KY: variants seen among roughly 807,000 people sequenced by gnomAD.
KY encodes the protein kyphoscoliosis peptidase.
In KY, 43 loss-of-function variants were observed where a neutral mutation model predicts 76.1. That is an observed-to-expected ratio of 0.57 (90% CI 0.44 to 0.73). The LOEUF (loss-of-function observed/expected upper bound fraction) is 0.73, where lower values mean the gene tolerates loss of function less well. KY is among the 30% of genes least tolerant of loss of function. The pLI is 0.00. For missense variants in KY, 722 were observed against 828.9 expected (o/e 0.87, Z 1.58); for synonymous variants, 277 against 326.2 (o/e 0.85, Z 1.63).
chr3:134,604,398 C>T lies in KY; in HGVS notation c.1167G>A (p.Glu389=), dbSNP rs749706553. The T allele has an allele frequency of 2.5e-6, 4 of 1,613,928 alleles. No homozygotes were observed. In the African/African-American group the frequency reaches 5.3e-5, roughly 22 times the overall value. ...LFMFMLNGKQ[E]HGLLSLRKNG... ...TCTTCCTTAGGCTCAGCAGCCCATGCTCTTGCTTGCCATTGAGCATGAACA... is the reference window on the plus strand; with the variant it reads ...TCTTCCTTAGGCTCAGCAGCCCATGTTCTTGCTTGCCATTGAGCATGAACA... The change falls in exon 11 of 11, where the codon GAG becomes GAA. Residue 389 remains glutamate (E), a synonymous_variant. Coordinates refer to ENST00000423778, the MANE Select transcript of KY (RefSeq NM_178554.6).
chr3:134,605,129 A>G (rs186528220), intron 10 of KY, among the ~76,000 whole-genome samples: 96 of 150,100 alleles, frequency 6.4e-4, no homozygotes, highest in African/African-American at 2.1e-3. Flanking sequence ...GCCACCCCCC[A>G]TCTCTCCCCT....
At chr3:134,650,259 T>G (rs779338283) in intron 1 of KY, among the ~76,000 whole-genome samples, 43 of 152,212 alleles carry the variant, frequency 2.8e-4, no homozygotes, top group Non-Finnish European at 6.2e-4. Context: ...GTTTCAAATC[T>G]TACCCTATCC....
Position 134,620,737 on chromosome 3 carries a change from A to T in KY, c.592+12T>A. The T allele has an allele frequency of 6.2e-7, 1 of 1,602,000 alleles. No individual in the cohort carries two copies. Among genetic ancestry groups the T allele is most frequent in the Non-Finnish European group, 8.5e-7 (1 of 1,170,056 alleles). ...GGGATTCTAGAGCCAGAAATTCCAC[A>T]GGGGGGCCTACCTATGTGATGGCAG... is the stretch of plus-strand genomic sequence containing the variant. On this transcript the variant is annotated intron_variant, in intron 7 of 10. Transcript: ENST00000423778.
rs144293682 is a variant in KY, at chr3:134,616,082, G to A, written c.710+3066C>T. Among the ~76,000 whole-genome samples the A allele has an allele frequency of 3.9e-3, 587 of 152,358 alleles. 2 individuals carry two copies. Among genetic ancestry groups the A allele is most frequent in the African/African-American group, 0.013 (554 of 41,582 alleles). ...GCCGACTCAAGAGCAGCAGTCTGGG[G>A]AATTAAGCTTGGCTCCTGCGAGGAA... On this transcript the variant is annotated intron_variant, in intron 8 of 10. Coordinates refer to ENST00000423778, the MANE Select transcript of KY (RefSeq NM_178554.6).
chr3:134,633,115 A>G (rs1352583491), intron 3 of KY, among the ~76,000 whole-genome samples: 1 of 152,092 alleles, frequency 6.6e-6, no homozygotes, highest in Non-Finnish European at 1.5e-5. Flanking sequence ...TTAAACTTGT[A>G]GTTTAAAATC....
intron 3 of KY, among the ~76,000 whole-genome samples, chr3:134,642,286 G>A (rs983975940): frequency 1.3e-5 from 2 of 152,120 alleles, no homozygotes; most frequent in Non-Finnish European, 2.9e-5. Flanking sequence ...TTTCATATGG[G>A]GCATGGGGGA....
At chr3:134,626,649 G>C (rs1399932388) in intron 5 of KY, among the ~76,000 whole-genome samples, 3 of 152,202 alleles carry the variant, frequency 2.0e-5, no homozygotes, top group Non-Finnish European at 4.4e-5. Context: ...GAGAAGGTGG[G>C]GAGGGGTGTG....
At chr3:134,643,421 A>G in intron 2 of KY, 43 bp from the exon 3 acceptor site, 1 of 1,566,388 alleles carries the variant, frequency 6.4e-7, no homozygotes, top group Non-Finnish European at 8.8e-7. Context: ...CCACTGGGGA[A>G]TTTTCCCCAG....
At chr3:134,639,169 T>C (rs1164754424) in intron 3 of KY, among the ~76,000 whole-genome samples, 2 of 151,612 alleles carry the variant, frequency 1.3e-5, no homozygotes, top group African/African-American at 4.9e-5. Flanking sequence ...TGGTTAGATA[T>C]TCAACAGAGA....
chr3:134,647,910 G>A (rs966909936), intron 1 of KY, among the ~76,000 whole-genome samples: 1 of 152,182 alleles, frequency 6.6e-6, no homozygotes, highest in African/African-American at 2.4e-5. Flanking sequence ...GGCTAAGACC[G>A]TCAATCCCAA....
chr3:134,644,682 ATTC>A lies in KY; in HGVS notation c.200-1307_200-1305del, dbSNP rs1461184450. 3.3e-5 allele frequency among the ~76,000 whole-genome samples: 5 copies of A among 152,298 alleles called. No homozygotes were observed. In the South Asian group the frequency reaches 6.2e-4, roughly 19 times the overall value. On this transcript the variant is annotated intron_variant, in intron 2 of 10. Transcript: ENST00000423778. Reference sequence around the variant, plus strand: ...TGGCCTGAACAGGTGCATTTAGATGATTCTTCTTGTGCAGATCAGCCGCTCAGT... The same window carrying A: ...TGGCCTGAACAGGTGCATTTAGATGATTCTTGTGCAGATCAGCCGCTCAGT...
intron 3 of KY, among the ~76,000 whole-genome samples, chr3:134,638,623 C>T (rs2107970404): frequency 6.6e-6 from 1 of 152,346 alleles, no homozygotes; most frequent in Non-Finnish European, 1.5e-5. Context: ...GGCCCCTTTC[C>T]TAGACCCCGC....
Position 134,599,957 on chromosome 3 carries a change from C to T in KY, c.*3622G>A, listed in dbSNP as rs1390006138. On this transcript the variant is annotated 3_prime_UTR_variant, in exon 11 of 11. Coordinates refer to ENST00000423778, the MANE Select transcript of KY (RefSeq NM_178554.6). ...AATGAATATAAATTTTATTGAAAAA[C>T]AACACCAGCAACAACATGGAGAAAG... 6.6e-6 allele frequency among the ~76,000 whole-genome samples: 1 copy of T among 152,160 alleles called. No homozygotes were observed. The highest frequency in any genetic ancestry group is 1.5e-5 in the Non-Finnish European group (1 of 68,034).
intron 10 of KY, among the ~76,000 whole-genome samples, chr3:134,605,413 C>G (rs547321254): frequency 1.3e-5 from 2 of 152,246 alleles, no homozygotes; most frequent in South Asian, 4.1e-4. Context: ...AGGAACTTTC[C>G]CCTAGCTTGG....
intron 10 of KY, chr3:134,608,410 T>C (rs560024936): frequency 1.3e-6 from 2 of 1,481,516 alleles, no homozygotes; most frequent in African/African-American, 1.4e-5. Flanking sequence ...GGGTTTATGC[T>C]AGTGTGAGTG....
intron 8 of KY, among the ~76,000 whole-genome samples, chr3:134,611,409 C>T (rs1231341191): frequency 1.3e-5 from 2 of 152,248 alleles, no homozygotes; most frequent in Non-Finnish European, 2.9e-5. Flanking sequence ...TCTTGCTCCT[C>T]AGCAGCCCTG....
intron 9 of KY, 95 bp from the exon 10 acceptor site, chr3:134,608,934 G>A: frequency 7.1e-7 from 1 of 1,405,214 alleles, no homozygotes; most frequent in Non-Finnish European, 9.6e-7. Context: ...CACCCTGGAT[G>A]GGAAGAGGCA....
intron 8 of KY, among the ~76,000 whole-genome samples, chr3:134,618,620 C>T (rs1274336771): frequency 6.6e-6 from 1 of 151,688 alleles, no homozygotes; most frequent in Non-Finnish European, 1.5e-5. Flanking sequence ...TGTCACCCAC[C>T]CCAGCAACCT....
At chr3:134,643,878 G>A (rs1034945553) in intron 2 of KY, among the ~76,000 whole-genome samples, 2 of 149,164 alleles carry the variant, frequency 1.3e-5, no homozygotes, top group African/African-American at 4.9e-5. Flanking sequence ...CCAGGGTGAA[G>A]TGCAGTGGCG....
Sources: allele counts gnomAD v4.1 joint callset (sites outside exome capture counted in the v4.1 genomes callset), GRCh38; gene constraint gnomAD v4.1.1; transcripts MANE v1.5; gene names NCBI Gene and HGNC (gene_info 2026-07-23, HGNC 2026-07-21).